DNAJC1: variants seen among roughly 807,000 people sequenced by gnomAD.
DNAJC1 encodes DnaJ heat shock protein family (Hsp40) member C1, also known as dnaJ homolog subfamily C member 1.
In DNAJC1, 58 loss-of-function variants were observed where a neutral mutation model predicts 76.6. That is an observed-to-expected ratio of 0.76 (90% CI 0.61 to 0.94). The LOEUF (loss-of-function observed/expected upper bound fraction) is 0.94. DNAJC1 is among the 40% of genes least tolerant of loss of function. The pLI is 0.00. For missense variants in DNAJC1, 689 were observed against 677.3 expected (o/e 1.02, Z -0.19); for synonymous variants, 258 against 267.9 (o/e 0.96, Z 0.36).
chr10:21,804,036 A>G (rs751068553), intron 9 of DNAJC1: 37 of 897,574 alleles, frequency 4.1e-5, no homozygotes, highest in Non-Finnish European at 4.8e-5. Context: ...AAGTTTAAAA[A>G]GATGCTTTTG....
chr10:21,971,926 A>G (rs909771685), intron 1 of DNAJC1, among the ~76,000 whole-genome samples: 2 of 151,896 alleles, frequency 1.3e-5, no homozygotes, highest in African/African-American at 4.8e-5. Flanking sequence ...CAATTCTCAG[A>G]AAAACTCAAA....
intron 8 of DNAJC1, among the ~76,000 whole-genome samples, chr10:21,814,417 C>A (rs1835041178): frequency 6.6e-6 from 1 of 152,094 alleles, no homozygotes; most frequent in Non-Finnish European, 1.5e-5. Context: ...AAGTCTACTC[C>A]CTTTCAGAAA....
intron 1 of DNAJC1, among the ~76,000 whole-genome samples, chr10:21,995,455 G>A (rs1021513369): frequency 3.3e-5 from 5 of 152,238 alleles, no homozygotes; most frequent in Non-Finnish European, 7.4e-5. Context: ...AGGAAATTAC[G>A]TCATTTTAGA....
rs185608163 is a variant in DNAJC1 at position 21,830,693 on chromosome 10, G to T, written c.979-24594C>A. On this transcript the variant is annotated intron_variant, in intron 8 of 11. Coordinates refer to ENST00000376980, the MANE Select transcript of DNAJC1 (RefSeq NM_022365.4). ...ACTGCATTTCTCATTCTTTCTTTCT[G>T]AAATGTATTAAACATTCTATCTTTA... Among the ~76,000 whole-genome samples, 10 of 151,932 alleles carry T rather than the reference G, an allele frequency of 6.6e-5. No individual in the cohort carries two copies. In the East Asian group the frequency reaches 1.9e-3, roughly 29 times the overall value.
intron 1 of DNAJC1, among the ~76,000 whole-genome samples, chr10:21,992,398 T>C (rs1838340540): frequency 6.6e-6 from 1 of 152,050 alleles, no homozygotes; most frequent in South Asian, 2.1e-4. Flanking sequence ...TTATCAAAAT[T>C]AATTTCAGGC....
chr10:21,995,800 A>G (rs1590085338), intron 1 of DNAJC1, among the ~76,000 whole-genome samples: 1 of 152,244 alleles, frequency 6.6e-6, no homozygotes, highest in East Asian at 1.9e-4. Context: ...CACTTATCAA[A>G]TATGGTGAAT....
intron 1 of DNAJC1, among the ~76,000 whole-genome samples, chr10:21,974,354 A>G (rs1168876580): frequency 6.6e-6 from 1 of 152,160 alleles, no homozygotes; most frequent in Non-Finnish European, 1.5e-5. Flanking sequence ...TTTGGAAAGT[A>G]ATTTTGCTAT....
intron 9 of DNAJC1, among the ~76,000 whole-genome samples, chr10:21,778,255 T>C (rs561834612): frequency 6.6e-6 from 1 of 152,280 alleles, no homozygotes; most frequent in African/African-American, 2.4e-5. Context: ...CAGAGCAATA[T>C]GAGGACCTGC....
In DNAJC1 at chr10:21,882,362, C is replaced by A; in HGVS notation, c.898G>T (p.Asp300Tyr). The change falls in exon 8 of 12, where the codon GAT becomes TAT. Residue 300 changes from aspartate to tyrosine, a missense_variant. Coordinates refer to ENST00000376980, the MANE Select transcript of DNAJC1 (RefSeq NM_022365.4). ...PLETTYIQSYDHGTSIEEIEE... is the reference protein window; with the variant it reads ...PLETTYIQSYYHGTSIEEIEE... ...ATTTCTTCTATGGAAGTTCCATGAT[C>A]ATAAGACTGAATATATGTAGTTTCT... 6.3e-7 allele frequency: 1 copy of A among 1,599,488 alleles called. No individual in the cohort carries two copies. The highest frequency in any genetic ancestry group is 8.5e-7 in the Non-Finnish European group (1 of 1,174,992).
rs911888767 is a variant in DNAJC1 at position 21,803,960 on chromosome 10, C to T, written c.1098+2020G>A. ...AGGGAAAAAATATCTATTGCAGACA[C>T]GGAATCATTCTGCCTTGGGTAAGTC... On this transcript the variant is annotated intron_variant, in intron 9 of 11. Coordinates refer to ENST00000376980, the MANE Select transcript of DNAJC1 (RefSeq NM_022365.4). 74 of 983,652 alleles carry T rather than the reference C, an allele frequency of 7.5e-5. No homozygotes were observed. In the African/African-American group the frequency reaches 1.1e-3, roughly 15 times the overall value. The allele number at this position is 983,652 out of a possible 1,614,324, so 60.9% of individuals were successfully genotyped here.
intron 8 of DNAJC1, among the ~76,000 whole-genome samples, chr10:21,881,237 T>C (rs1836270205): frequency 6.6e-6 from 1 of 152,212 alleles, no homozygotes. Context: ...CTACTCAAAC[T>C]TTCTCCATAT....
At chr10:21,908,090 T>G (rs1458180512) in intron 6 of DNAJC1, among the ~76,000 whole-genome samples, 1 of 110,514 alleles carries the variant, frequency 9.0e-6, no homozygotes, top group East Asian at 2.2e-4. Context: ...ATATTATATA[T>G]AAAATATATA....
At chr10:21,868,848 C>A (rs1397542206) in intron 8 of DNAJC1, among the ~76,000 whole-genome samples, 2 of 152,004 alleles carry the variant, frequency 1.3e-5, no homozygotes, top group African/African-American at 2.4e-5. Context: ...ATACCCTCCT[C>A]CCTTTGGAGT....
rs751465246 is a variant in DNAJC1 at position 21,920,915 on chromosome 10, T to C, written c.420A>G (p.Val140=). 1.1e-5 allele frequency: 18 copies of C among 1,612,700 alleles called. No individual in the cohort carries two copies. The East Asian group carries it at 4.0e-4, about 36-fold the overall frequency. Residue 140 remains valine, a synonymous_variant, in exon 4 of 12, where the codon GTA becomes GTG. Transcript: ENST00000376980. ...INGLPDWRQP[V]FYYRRVRKMS... ...TTTTTCTCACCCGCCTGTAGTAGAA[T>C]ACAGGCTGTCGCCAATCTGGAAGTC...
chr10:21,842,103 G>T (rs1835584039), intron 8 of DNAJC1, among the ~76,000 whole-genome samples: 1 of 114,122 alleles, frequency 8.8e-6, no homozygotes, highest in African/African-American at 3.3e-5. Flanking sequence ...GTTGTGGGGT[G>T]GGGGGAGGGG....
chr10:21,999,449 CTCTT>C lies in DNAJC1; in HGVS notation c.222+3760_222+3763del, dbSNP rs1322530526. 3.1e-5 allele frequency among the ~76,000 whole-genome samples: 3 copies of C among 97,736 alleles called. No individual in the cohort carries two copies. The East Asian group carries it at 1.0e-3, about 34-fold the overall frequency. The allele number at this position is 97,736 out of a possible 152,430, so 64.1% of individuals were successfully genotyped here. A position where few individuals can be genotyped will look rare whatever the true frequency, so the allele number is the denominator to read the frequency against. ...TGTTGATTCCCCTCCATCTTCTTGA[CTCTT>C]TTTTTTTTTTTTTTTTTTTTGAGAC... is the stretch of plus-strand genomic sequence containing the variant. On this transcript the variant is annotated intron_variant, in intron 1 of 11. Transcript: ENST00000376980.
Position 21,857,874 on chromosome 10 carries a change from C to CAA in DNAJC1, c.978+24406_978+24407dup, listed in dbSNP as rs576361665. ...CGTCTCAAAAAAACAAACAAACAAA[C>CAA]AAAAAAAAAAACCGGGTATGTTTGT... On this transcript the variant is annotated intron_variant, in intron 8 of 11. Transcript: ENST00000376980. 2.7e-3 allele frequency among the ~76,000 whole-genome samples: 376 copies of CAA among 141,150 alleles called. 3 individuals are homozygous for CAA. Among genetic ancestry groups the CAA allele is most frequent in the African/African-American group, 8.9e-3 (344 of 38,618 alleles). 92.6% of individuals were successfully genotyped at this position (141,150 alleles called of 152,430 possible). A position where few individuals can be genotyped will look rare whatever the true frequency, so the allele number is the denominator to read the frequency against.
intron 1 of DNAJC1, among the ~76,000 whole-genome samples, chr10:21,975,529 G>C (rs1030216694): frequency 1.3e-5 from 2 of 152,116 alleles, no homozygotes; most frequent in African/African-American, 4.8e-5. Context: ...AGCTTAGCGG[G>C]AAAGTACTTA....
intron 1 of DNAJC1, among the ~76,000 whole-genome samples, chr10:21,959,739 T>C (rs891632409): frequency 1.4e-5 from 2 of 147,446 alleles, no homozygotes; most frequent in African/African-American, 5.1e-5. Context: ...TGAGCCGGGA[T>C]AGTGCCGCTT....
Sources: gnomAD v4.1 joint callset for allele counts (sites outside exome capture counted in the v4.1 genomes callset) on GRCh38, gnomAD v4.1.1 for gene constraint, MANE v1.5 for transcripts, NCBI Gene and HGNC (gene_info 2026-07-23, HGNC 2026-07-21) for gene names.